Variants in POLQ observed in about 807,000 individuals in gnomAD.
The protein encoded by POLQ is epididymis secretory sperm binding protein.
A neutral mutation model predicts 259.2 loss-of-function variants in POLQ; 233 were observed. The ratio of observed to expected loss-of-function variants is 0.90; its 90% CI spans 0.81 to 1.00. POLQ has a LOEUF of 1.00. POLQ is among the 50% of genes least tolerant of loss of function. The probability of loss-of-function intolerance (pLI) is 0.00; values close to 1 mark genes in which losing one functional copy is unlikely to be tolerated. For synonymous variants in POLQ, 1,025 were observed against 1,048.8 expected (o/e 0.98, Z 0.44); for missense variants, 2,871 against 3,051.6 (o/e 0.94, Z 1.39).
chr3:121,514,359 A>AT (rs2048279345), intron 9 of POLQ, among the ~76,000 whole-genome samples: 1 of 132,170 alleles, frequency 7.6e-6, no homozygotes, highest in African/African-American at 3.1e-5. Flanking sequence ...AACAACAATA[A>AT]CCAAAAAAAA....
chr3:121,475,713 G>A (rs894413795), intron 20 of POLQ, among the ~76,000 whole-genome samples: 3 of 152,126 alleles, frequency 2.0e-5, no homozygotes, highest in African/African-American at 4.8e-5. Flanking sequence ...TGACATGCAG[G>A]ACGAAGAAGC....
chr3:121,466,029 A>G (rs368225943), intron 24 of POLQ, among the ~76,000 whole-genome samples: 7 of 152,348 alleles, frequency 4.6e-5, no homozygotes, highest in African/African-American at 1.7e-4. Flanking sequence ...GTGAATGCAA[A>G]GGAAAAGTTC....
intron 26 of POLQ, among the ~76,000 whole-genome samples, chr3:121,449,061 T>C (rs41541215): frequency 2.2e-3 from 340 of 152,318 alleles, no homozygotes; most frequent in Non-Finnish European, 3.0e-3. Flanking sequence ...CCTGATTTTA[T>C]GGGTTGTTCA....
In POLQ at chr3:121,483,399, T is replaced by C. The variant is rs748162644; in HGVS notation, c.5957A>G (p.Tyr1986Cys). ...LSCGISLEQS[Y>C]EDPKVACWLL... ...TAGACATAGAACCTTAGGATCTTCA[T>C]AACTTTGCTCCAAGGAGATGCCACA... Residue 1986 changes from tyrosine (Y) to cysteine (C), a missense_variant, in exon 18 of 30, where the codon TAT becomes TGT. Tyr to Cys is a radical substitution (Grantham distance 194, BLOSUM62 -2). This residue lies in a region of POLQ where 2,080 missense variants were observed against 2,126.0 expected (regional missense o/e 0.98). Transcript: ENST00000264233. 3 of 1,555,456 alleles carry C rather than the reference T, an allele frequency of 1.9e-6. No homozygotes were observed. Among genetic ancestry groups the C allele is most frequent in the African/African-American group, 1.4e-5 (1 of 72,156 alleles).
chr3:121,507,135 T>C (rs1052448310), intron 12 of POLQ, among the ~76,000 whole-genome samples: 2 of 152,158 alleles, frequency 1.3e-5, no homozygotes, highest in Non-Finnish European at 2.9e-5. Context: ...GGAAAAGGCA[T>C]GGAAGGGATG....
At chr3:121,445,346 GTT>G (rs2047623904) in intron 26 of POLQ, among the ~76,000 whole-genome samples, 1 of 151,958 alleles carries the variant, frequency 6.6e-6, no homozygotes, top group Non-Finnish European at 1.5e-5. Flanking sequence ...TTTCTTCATG[GTT>G]CAATCTTGGC....
At chr3:121,484,377 C>A (rs2108795725) in intron 17 of POLQ, among the ~76,000 whole-genome samples, 1 of 152,250 alleles carries the variant, frequency 6.6e-6, no homozygotes, top group Admixed American at 6.5e-5. Flanking sequence ...GAGTTTCAGA[C>A]CCATTCAATG....
intron 9 of POLQ, among the ~76,000 whole-genome samples, chr3:121,514,465 C>T (rs1305803710): frequency 6.6e-6 from 1 of 151,552 alleles, no homozygotes; most frequent in Non-Finnish European, 1.5e-5. Flanking sequence ...TAAACTATCT[C>T]ACTTTGACCT....
chr3:121,539,401 G>A (rs2048472887), intron 4 of POLQ, 32 bp downstream of exon 4: 1 of 1,512,948 alleles, frequency 6.6e-7, no homozygotes, highest in East Asian at 2.3e-5. Flanking sequence ...AATAGCAATA[G>A]AAAGTATTTA....
At position 121,485,100 on chromosome 3, in the gene POLQ, A is replaced by T. The variant is rs2048001152; in HGVS notation, c.5714T>A (p.Val1905Glu). Residue 1905 changes from valine to glutamate, a missense_variant, in exon 17 of 30, where the codon GTA (valine) becomes GAA (glutamate). Val to Glu is a moderately radical substitution (Grantham distance 121). Transcript: ENST00000264233. ...CDDTLVVGLA[V>E]CWGGRDAYYF... ...ATAGGCATCCCTTCCACCCCAGCATACTGCCAGTCCAACCACCAAGGTGTC... is the reference window on the plus strand; with the variant it reads ...ATAGGCATCCCTTCCACCCCAGCATTCTGCCAGTCCAACCACCAAGGTGTC... The T allele has an allele frequency of 1.2e-6, 2 of 1,612,846 alleles. No individual in the cohort carries two copies. Among genetic ancestry groups the T allele is most frequent in the Non-Finnish European group, 1.7e-6 (2 of 1,179,122 alleles).
chr3:121,522,240 G>T, intron 7 of POLQ, 91 bp from the exon 8 acceptor site: 1 of 718,698 alleles, frequency 1.4e-6, no homozygotes, highest in Admixed American at 3.1e-5. Flanking sequence ...AATAGCAGGG[G>T]AATGGTTCTG....
Position 121,533,087 on chromosome 3 carries a change from C to A in POLQ, c.863G>T (p.Arg288Leu). ...LNAELYHTDFRPVPLLESVKV... is the reference protein window; with the variant it reads ...LNAELYHTDFLPVPLLESVKV... ...TACTGACTCCAAAAGCGGTACAGGG[C>A]GAAAGTCGGTATGGTAGAGTTCAGC... Residue 288 changes from arginine to leucine, a missense_variant, in exon 6 of 30, where the codon CGC becomes CTC. This residue lies in a region of POLQ where 783 missense variants were observed against 906.2 expected (regional missense o/e 0.86). Coordinates refer to ENST00000264233, the MANE Select transcript of POLQ (RefSeq NM_199420.4). 1 of 1,613,842 alleles carries A rather than the reference C, an allele frequency of 6.2e-7. No individual in the cohort carries two copies. Among genetic ancestry groups the A allele is most frequent in the South Asian group, 1.1e-5 (1 of 91,064 alleles).
At chr3:121,541,041 CAGCTA>C (rs999017077) in intron 3 of POLQ, among the ~76,000 whole-genome samples, 7 of 152,116 alleles carry the variant, frequency 4.6e-5, no homozygotes, top group Admixed American at 3.3e-4. Flanking sequence ...CCACAACACC[CAGCTA>C]ATTTTTGTAT....
At chr3:121,545,083 T>C (rs77337163) in intron 1 of POLQ, among the ~76,000 whole-genome samples, 177 bp from the exon 2 acceptor site, 1 of 152,190 alleles carries the variant, frequency 6.6e-6, no homozygotes, top group African/African-American at 2.4e-5. Flanking sequence ...TAAATTGTTA[T>C]TTACTGCATA....
At chr3:121,492,538 T>C (rs1421060494) in intron 15 of POLQ, among the ~76,000 whole-genome samples, 4 of 152,132 alleles carry the variant, frequency 2.6e-5, no homozygotes, top group Non-Finnish European at 4.4e-5. Context: ...GCCTGAGATA[T>C]ATAATGAAAT....
chr3:121,443,603 T>C (rs1332658172), intron 26 of POLQ, among the ~76,000 whole-genome samples: 1 of 152,208 alleles, frequency 6.6e-6, no homozygotes, highest in East Asian at 1.9e-4. Context: ...TTAAACCTGA[T>C]GTGATCTCAT....
intron 26 of POLQ, among the ~76,000 whole-genome samples, chr3:121,442,982 C>T (rs1223330206): frequency 1.3e-5 from 2 of 152,136 alleles, no homozygotes; most frequent in African/African-American, 2.4e-5. Flanking sequence ...CCTTAGCCTC[C>T]CAAGTGGTTG....
chr3:121,544,955 A>T, intron 1 of POLQ, 49 bp from the exon 2 acceptor site: 2 of 1,174,598 alleles, frequency 1.7e-6, no homozygotes, highest in South Asian at 2.9e-5. Flanking sequence ...CTAATATATG[A>T]GTTTTACAGT....
At position 121,509,574 on chromosome 3, in the gene POLQ, T is replaced by A; in HGVS notation, c.1946A>T (p.His649Leu). The A allele has an allele frequency of 2.5e-6, 4 of 1,611,922 alleles. No individual in the cohort carries two copies. In the South Asian group the frequency reaches 4.4e-5, roughly 18 times the overall value. The stretch of plus-strand genomic sequence containing the variant: ...AACAGAACTTACCAGATAGAGAATA[T>A]GAAGATCATTCTCTAAAACAAAGCC... ...MKGFVLENDL[H>L]ILYLVTPMFE... is the part of the protein sequence containing the mutation. The change falls in exon 12 of 30, where the codon CAT becomes CTT. Residue 649 changes from histidine to leucine, a missense_variant. This residue lies in a region of POLQ where 783 missense variants were observed against 906.2 expected (regional missense o/e 0.86). Transcript: ENST00000264233.
Sources: gnomAD v4.1 joint callset for allele counts (sites outside exome capture counted in the v4.1 genomes callset) on GRCh38, gnomAD v4.1.1 for gene constraint, gnomAD v4.1.1 regional missense constraint, MANE v1.5 for transcripts, NCBI Gene and HGNC (gene_info 2026-07-23, HGNC 2026-07-21) for gene names.